Variants in DPP4 observed in about 807,000 individuals in gnomAD.
The protein encoded by DPP4 is ADCP-2.
In DPP4, 93 loss-of-function variants were observed where a neutral mutation model predicts 122.4. The ratio of observed to expected loss-of-function variants is 0.76; its 90% CI spans 0.64 to 0.90. DPP4 has a LOEUF of 0.90. DPP4 is among the 40% of genes least tolerant of loss of function. The probability of loss-of-function intolerance (pLI) is 0.00; values close to 1 mark genes in which losing one functional copy is unlikely to be tolerated. For synonymous variants in DPP4, 321 were observed against 302.9 expected, an observed-to-expected ratio of 1.06 and a Z score of -0.62; for missense variants, 914 against 907.3, an observed-to-expected ratio of 1.01 and a Z score of -0.09.
chr2:162,014,704 T>C (rs1261816934), intron 18 of DPP4, among the ~76,000 whole-genome samples: 1 of 152,226 alleles, frequency 6.6e-6, no homozygotes, highest in Non-Finnish European at 1.5e-5. Context: ...ATTAAATACA[T>C]TGGTGCCTAG....
At chr2:162,006,314 A>C (rs1204822038) in intron 22 of DPP4, among the ~76,000 whole-genome samples, 1 of 152,130 alleles carries the variant, frequency 6.6e-6, no homozygotes, top group Admixed American at 6.6e-5. Context: ...ATGATCATCT[A>C]TTTCCTTTTG....
chr2:162,063,915 C>A (rs565968337), intron 2 of DPP4, among the ~76,000 whole-genome samples: 1 of 152,164 alleles, frequency 6.6e-6, no homozygotes, highest in South Asian at 2.1e-4. Flanking sequence ...AATGATGTTG[C>A]CACATGCAAG....
chr2:162,021,925 C>T (rs1305615394), intron 12 of DPP4, among the ~76,000 whole-genome samples: 1 of 152,158 alleles, frequency 6.6e-6, no homozygotes, highest in East Asian at 1.9e-4. Flanking sequence ...GCTGCCGGAG[C>T]TCTGAGCCCA....
At chr2:162,033,037 T>G (rs934915002) in intron 10 of DPP4, among the ~76,000 whole-genome samples, 8 of 152,120 alleles carry the variant, frequency 5.3e-5, no homozygotes, top group African/African-American at 1.9e-4. Context: ...CTCCTTGCAT[T>G]TCCTCCAACA....
intron 2 of DPP4, among the ~76,000 whole-genome samples, chr2:162,057,087 GC>G (rs1684605656): frequency 2.0e-5 from 3 of 152,110 alleles, no homozygotes; most frequent in African/African-American, 7.2e-5. Context: ...GTCCCTGCCT[GC>G]CAAATCATCC....
chr2:162,012,072 T>G, intron 19 of DPP4, 85 bp from the exon 20 acceptor site: 1 of 1,316,574 alleles, frequency 7.6e-7, no homozygotes, highest in South Asian at 1.4e-5. Flanking sequence ...CGTGGAGAAG[T>G]ATGCATCCTT....
chr2:162,033,446 G>A (rs1304588279), intron 10 of DPP4, 95 bp downstream of exon 10: 1 of 817,270 alleles, frequency 1.2e-6, no homozygotes, highest in Non-Finnish European at 2.0e-6. Context: ...GACACAGTGG[G>A]AGGCTGTGAT....
At chr2:162,044,593 T>C (rs1684109510) in intron 5 of DPP4, among the ~76,000 whole-genome samples, 1 of 152,160 alleles carries the variant, frequency 6.6e-6, no homozygotes, top group Admixed American at 6.5e-5. Context: ...CAATACAGGG[T>C]ATCTTTACAA....
intron 25 of DPP4, 86 bp from the exon 26 acceptor site, chr2:161,993,470 C>A: frequency 1.1e-6 from 1 of 932,598 alleles, no homozygotes; most frequent in Non-Finnish European, 1.7e-6. Flanking sequence ...TGAGCTCTCA[C>A]GAGCATACAT....
At chr2:161,997,640 C>T (rs552553367) in intron 23 of DPP4, among the ~76,000 whole-genome samples, 91 of 152,316 alleles carry the variant, frequency 6.0e-4, no homozygotes, top group African/African-American at 2.1e-3. Flanking sequence ...TCTATCCATA[C>T]ACCATACCAT....
chr2:162,044,201 T>A (rs1576060937), intron 5 of DPP4, among the ~76,000 whole-genome samples: 1 of 152,206 alleles, frequency 6.6e-6, no homozygotes, highest in East Asian at 1.9e-4. Context: ...AATCCATTAA[T>A]TGGCAACAGA....
chr2:162,002,533 A>G (rs529838634), intron 23 of DPP4, among the ~76,000 whole-genome samples: 1 of 152,300 alleles, frequency 6.6e-6, no homozygotes, highest in East Asian at 1.9e-4. Flanking sequence ...ACTGATCCAG[A>G]CTAAACGTGA....
intron 2 of DPP4, among the ~76,000 whole-genome samples, chr2:162,050,533 C>T (rs2106139530): frequency 6.6e-6 from 1 of 152,270 alleles, no homozygotes; most frequent in African/African-American, 2.4e-5. Flanking sequence ...CCCAGGACAT[C>T]CCTGCAAGGC....
intron 14 of DPP4, 72 bp downstream of exon 14, chr2:162,020,157 C>G: frequency 7.6e-7 from 1 of 1,307,442 alleles, no homozygotes; most frequent in South Asian, 1.3e-5. Flanking sequence ...GAGATTTTTT[C>G]CCTACTTCTG....
chr2:162,020,537 A>C (rs750298124), intron 13 of DPP4, 44 bp downstream of exon 13: 3 of 1,504,650 alleles, frequency 2.0e-6, no homozygotes, highest in South Asian at 2.5e-5. Flanking sequence ...TTTCCAAAAA[A>C]AAAAAAGAGG....
In DPP4 at chr2:162,011,990, A is replaced by G. The variant is rs993006361; in HGVS notation, c.1638-3T>C. On this transcript the variant is annotated splice_region_variant and splice_polypyrimidine_tract_variant and intron_variant, in intron 19 of 25. Coordinates refer to ENST00000360534, the MANE Select transcript of DPP4 (RefSeq NM_001935.4). ...TTTGACTACATGGGCCTGCATACCT[A>G]TGAAAAATACCAAATTGTTAGCTTT... The G allele has an allele frequency of 1.2e-6, 2 of 1,607,962 alleles. No individual in the cohort carries two copies. The highest frequency in any genetic ancestry group is 8.5e-7 in the Non-Finnish European group (1 of 1,176,734).
At position 162,033,676 on chromosome 2, in the gene DPP4, TTGG is replaced by T. The variant is rs752889747; in HGVS notation, c.775-26_775-24del. ...TGCCTAGGAAAAAATAATCACAGAA[TTGG>T]TATTGACAAAAAAAAAAAAGTAACA... On this transcript the variant is annotated intron_variant, in intron 9 of 25. Coordinates refer to ENST00000360534, the MANE Select transcript of DPP4 (RefSeq NM_001935.4). 2.0e-5 allele frequency: 30 copies of T among 1,537,830 alleles called. 1 individual carries two copies. Among genetic ancestry groups the T allele is most frequent in the Non-Finnish European group, 1.8e-6 (2 of 1,134,758 alleles).
At chr2:162,034,601 C>G (rs750831408) in intron 9 of DPP4, among the ~76,000 whole-genome samples, 1 of 152,174 alleles carries the variant, frequency 6.6e-6, no homozygotes, top group Non-Finnish European at 1.5e-5. Flanking sequence ...ACCCGGCTTA[C>G]GCTGCTTAAC....
chr2:162,012,163 G>A (rs778174718), intron 19 of DPP4, among the ~76,000 whole-genome samples, 176 bp from the exon 20 acceptor site: 12 of 152,024 alleles, frequency 7.9e-5, no homozygotes, highest in Admixed American at 4.6e-4. Flanking sequence ...CAACTACCAT[G>A]GTTGTATATT....
Sources: gnomAD v4.1 joint callset for allele counts (sites outside exome capture counted in the v4.1 genomes callset) on GRCh38, gnomAD v4.1.1 for gene constraint, MANE v1.5 for transcripts, NCBI Gene and HGNC (gene_info 2026-07-23, HGNC 2026-07-21) for gene names.